Variants in MED25 observed in about 807,000 individuals in gnomAD.
MED25 encodes mediator of RNA polymerase II transcription subunit 25.
Under a neutral mutation model 89.4 loss-of-function variants are expected in MED25, and 62 were observed. The observed-to-expected ratio is 0.69, with a 90% confidence interval of 0.57 to 0.86. The LOEUF (loss-of-function observed/expected upper bound fraction) is 0.86, where lower values mean the gene tolerates loss of function less well. Ranked by LOEUF, MED25 falls within the 40% of genes least tolerant of loss-of-function variation. MED25 has a pLI of 0.00. For missense variants in MED25, 905 were observed against 1,005.2 expected (o/e 0.90, Z 1.35); for synonymous variants, 449 against 427.9 (o/e 1.05, Z -0.61).
In MED25 at chr19:49,835,499, C is replaced by G; in HGVS notation, c.1675-35C>G. The G allele has an allele frequency of 6.6e-7, 1 of 1,512,494 alleles. No individual in the cohort carries two copies. Among genetic ancestry groups the G allele is most frequent in the South Asian group, 1.3e-5 (1 of 78,970 alleles). 93.7% of individuals were successfully genotyped at this position (1,512,494 alleles called of 1,614,324 possible). A position where few individuals can be genotyped will look rare whatever the true frequency, so the allele number is the denominator to read the frequency against. ...GCCTCAGATTCAGGATGCCACCACCCTCAGTTACTGACCTGCCCCTCTCTC... is the reference window on the plus strand; with the variant it reads ...GCCTCAGATTCAGGATGCCACCACCGTCAGTTACTGACCTGCCCCTCTCTC... On this transcript the variant is annotated intron_variant, in intron 14 of 17. Coordinates refer to ENST00000312865, the MANE Select transcript of MED25 (RefSeq NM_030973.4). The surrounding 1 kb of genome is among the most constrained non-coding windows in gnomAD (Gnocchi z 6.2).
Position 49,819,265 on chromosome 19 carries a change from TATGA to T in MED25, c.275_278del (p.Tyr92CysfsTer121). 6.2e-7 allele frequency: 1 copy of T among 1,614,174 alleles called. No homozygotes were observed. Among genetic ancestry groups the T allele is most frequent in the Non-Finnish European group, 8.5e-7 (1 of 1,180,016 alleles). ...ATGTCACGCTCCCACCAGCAGCGCC[TATGA>T]GTTTGTCACCTGGCTCGATGGCATT... On this transcript the variant is annotated frameshift_variant, in exon 3 of 18. Transcript: ENST00000312865. LOFTEE classifies it high-confidence loss of function.
intron 4 of MED25, 146 bp from the exon 5 acceptor site, chr19:49,828,824 G>A (rs568196857): frequency 6.8e-7 from 1 of 1,473,626 alleles, no homozygotes; most frequent in Admixed American, 2.0e-5. Context: ...ACCTCTTGGA[G>A]CCTCAGTGTT....
In MED25 at chr19:49,818,422, C is replaced by T. The variant is rs761471079; in HGVS notation, c.81C>T (p.Asn27=). ...TGTTTGTGATTGAGGGTACGGCCAA[C>T]CTGGGACCCTACTTCGAGGGGCTCC... The part of the protein sequence containing the change: ...DVVFVIEGTA[N]LGPYFEGLRK... Residue 27 remains asparagine, a synonymous_variant, in exon 1 of 18, where the codon AAC becomes AAT. Transcript: ENST00000312865. The T allele has an allele frequency of 8.7e-6, 14 of 1,613,936 alleles. No individual in the cohort carries two copies. Among genetic ancestry groups the T allele is most frequent in the African/African-American group, 1.3e-5 (1 of 74,928 alleles).
At position 49,836,776 on chromosome 19, in the gene MED25, T is replaced by A; in HGVS notation, c.2147-71T>A. On this transcript the variant is annotated intron_variant, in intron 17 of 17. Coordinates refer to ENST00000312865, the MANE Select transcript of MED25 (RefSeq NM_030973.4). The surrounding 1 kb of genome is among the most constrained non-coding windows in gnomAD (Gnocchi z 5.1). ...GTCCCCCAAGGGCTGCCTAGAAAAC[T>A]TAGTGCCTCTGGGCCCTCCTGGGCC... 2 of 1,199,188 alleles carry A rather than the reference T, an allele frequency of 1.7e-6. No individual in the cohort carries two copies. Among genetic ancestry groups the A allele is most frequent in the Non-Finnish European group, 2.4e-6 (2 of 817,318 alleles). The allele number at this position is 1,199,188 out of a possible 1,614,324, so 74.3% of individuals were successfully genotyped here.
At chr19:49,827,243 CCCGGG>C (rs1317018833) in intron 3 of MED25, among the ~76,000 whole-genome samples, 1 of 152,204 alleles carries the variant, frequency 6.6e-6, no homozygotes, top group Non-Finnish European at 1.5e-5. Flanking sequence ...AGAGGCCATC[CCCGGG>C]CCACAACCCA....
downstream of MED25, chr19:49,838,380 T>A (rs2074114137): frequency 2.8e-6 from 1 of 357,944 alleles, no homozygotes; most frequent in Admixed American, 3.8e-5. Flanking sequence ...CCCGCCCTTC[T>A]GCCTGGCAAC....
At position 49,834,648 on chromosome 19, in the gene MED25, G is replaced by A. The variant is rs905042091; in HGVS notation, c.1483-338G>A. 9 of 400,088 alleles carry A rather than the reference G, an allele frequency of 2.2e-5. No individual in the cohort carries two copies. The highest frequency in any genetic ancestry group is 6.1e-5 in the African/African-American group (3 of 48,842). 24.8% of individuals were successfully genotyped at this position (400,088 alleles called of 1,614,324 possible). On this transcript the variant is annotated intron_variant, in intron 13 of 17. Coordinates refer to ENST00000312865, the MANE Select transcript of MED25 (RefSeq NM_030973.4). The surrounding 1 kb of genome is among the most constrained non-coding windows in gnomAD (Gnocchi z 4.1). ...GTGCATCTAGGCCGCTCTCCCGGCC[G>A]TGACCCTCAGCCGCCCTCTGAGGAG...
downstream of MED25, among the ~76,000 whole-genome samples, chr19:49,837,274 G>T (rs753627599): frequency 6.6e-6 from 1 of 152,278 alleles, no homozygotes; most frequent in East Asian, 1.9e-4. Context: ...AGAATCAGCC[G>T]TCAGGCTGGG....
In MED25 at chr19:49,835,961, G is replaced by A; in HGVS notation, c.1965+16G>A. ...CCCACCACCGGTGAGATGTTGGGGT[G>A]GGGTAGCGAGAGTTCCAGATCCTGG... On this transcript the variant is annotated intron_variant, in intron 16 of 17. Coordinates refer to ENST00000312865, the MANE Select transcript of MED25 (RefSeq NM_030973.4). The surrounding 1 kb of genome is among the most constrained non-coding windows in gnomAD (Gnocchi z 6.2). 2 of 1,612,532 alleles carry A rather than the reference G, an allele frequency of 1.2e-6. No homozygotes were observed. The highest frequency in any genetic ancestry group is 1.1e-5 in the South Asian group (1 of 91,020).
At position 49,829,697 on chromosome 19, in the gene MED25, A is replaced by G. The variant is rs1372803609; in HGVS notation, c.526-89A>G. 6.5e-6 allele frequency: 9 copies of G among 1,389,740 alleles called. No individual in the cohort carries two copies. The highest frequency in any genetic ancestry group is 8.9e-6 in the Non-Finnish European group (9 of 1,008,664). 86.1% of individuals were successfully genotyped at this position (1,389,740 alleles called of 1,614,324 possible). A position where few individuals can be genotyped will look rare whatever the true frequency, so the allele number is the denominator to read the frequency against. ...TGTGGTTGTAGGGCTGGTGCCGTCC[A>G]GCCACACAGCAGTTGTGGTAGGTTG... On this transcript the variant is annotated intron_variant, in intron 5 of 17. Transcript: ENST00000312865. The surrounding 1 kb of genome is among the most constrained non-coding windows in gnomAD (Gnocchi z 4.6).
Position 49,828,565 on chromosome 19 carries a change from C to T in MED25, c.404+18C>T. 6.3e-7 allele frequency: 1 copy of T among 1,591,322 alleles called. No individual in the cohort carries two copies. Among genetic ancestry groups the T allele is most frequent in the Non-Finnish European group, 8.6e-7 (1 of 1,159,358 alleles). On this transcript the variant is annotated intron_variant, in intron 4 of 17. Coordinates refer to ENST00000312865, the MANE Select transcript of MED25 (RefSeq NM_030973.4). ...GAGCAGATGTGAGTGCCCCCTCCAC[C>T]CAGGCCGGGCCGGTCTCTCTCTGCC...
At position 49,830,274 on chromosome 19, in the gene MED25, C is replaced by A; in HGVS notation, c.819+56C>A. ...CTGGGGACTTGCTGGAGCCCTGGCCCCTGGGGAGAAATCTAGTTGCATGTT... is the reference window on the plus strand; with the variant it reads ...CTGGGGACTTGCTGGAGCCCTGGCCACTGGGGAGAAATCTAGTTGCATGTT... On this transcript the variant is annotated intron_variant, in intron 7 of 17. Coordinates refer to ENST00000312865, the MANE Select transcript of MED25 (RefSeq NM_030973.4). The surrounding 1 kb of genome is among the most constrained non-coding windows in gnomAD (Gnocchi z 4.6). The A allele has an allele frequency of 6.4e-7, 1 of 1,569,168 alleles. No homozygotes were observed. The highest frequency in any genetic ancestry group is 8.7e-7 in the Non-Finnish European group (1 of 1,149,284).
In MED25 at chr19:49,836,392, G is replaced by A. The variant is rs767673656; in HGVS notation, c.2132G>A (p.Arg711Gln). 15 of 1,596,408 alleles carry A rather than the reference G, an allele frequency of 9.4e-6. 1 individual carries two copies. The highest frequency in any genetic ancestry group is 9.0e-5 in the South Asian group (8 of 88,836). ...AQSWPAQLPP[R>Q]APLPGQMLLS... ...TCCTGGCCCGCACAACTTCCCCCTCGGGCTCCACTGCCAGGTAAGGGGACC... is the reference window on the plus strand; with the variant it reads ...TCCTGGCCCGCACAACTTCCCCCTCAGGCTCCACTGCCAGGTAAGGGGACC... The change falls in exon 17 of 18, where the codon CGG becomes CAG. Residue 711 changes from arginine (R) to glutamine (Q), a missense_variant. Around this residue, in one of 3 missense-constraint regions of MED25, gnomAD observed 271 missense variants for 258.1 expected, o/e 1.05. Coordinates refer to ENST00000312865, the MANE Select transcript of MED25 (RefSeq NM_030973.4). The surrounding 1 kb of genome is among the most constrained non-coding windows in gnomAD (Gnocchi z 5.1).
At position 49,830,753 on chromosome 19, in the gene MED25, G is replaced by A. The variant is rs752770466; in HGVS notation, c.967G>A (p.Ala323Thr). 12 of 1,613,534 alleles carry A rather than the reference G, an allele frequency of 7.4e-6. No homozygotes were observed. The highest frequency in any genetic ancestry group is 4.5e-5 in the East Asian group (2 of 44,856). ...CGGAGTGGGTCCCCCCTTCAGCCAG[G>A]CCCCAGCTCCCCAACTACCCCCAGG... ...APGVGPPFSQAPAPQLPPGPP... is the reference protein window; with the variant it reads ...APGVGPPFSQTPAPQLPPGPP... The change falls in exon 9 of 18, where the codon GCC becomes ACC. Residue 323 changes from alanine to threonine, a missense_variant. Physicochemically the swap from Ala to Thr is moderately conservative, Grantham distance 58. This residue lies in a region of MED25 where 501 missense variants were observed against 526.9 expected (regional missense o/e 0.95). Coordinates refer to ENST00000312865, the MANE Select transcript of MED25 (RefSeq NM_030973.4). The surrounding 1 kb of genome is among the most constrained non-coding windows in gnomAD (Gnocchi z 4.6).
rs2074083782 is a variant in MED25, at chr19:49,834,821, C to T, written c.1483-165C>T. 4 of 698,874 alleles carry T rather than the reference C, an allele frequency of 5.7e-6. No homozygotes were observed. The highest frequency in any genetic ancestry group is 7.4e-6 in the Non-Finnish European group (3 of 405,044). 43.3% of individuals were successfully genotyped at this position (698,874 alleles called of 1,614,324 possible). A position where few individuals can be genotyped will look rare whatever the true frequency, so the allele number is the denominator to read the frequency against. On this transcript the variant is annotated intron_variant, in intron 13 of 17. Transcript: ENST00000312865. The surrounding 1 kb of genome is among the most constrained non-coding windows in gnomAD (Gnocchi z 4.1). ...TAGCTTGCCCTGAGCGCCTCAGTTT[C>T]TGTCTCCAGAGCAACCCATAGCACA...
At chr19:49,825,894 T>C (rs571545667) in intron 3 of MED25, among the ~76,000 whole-genome samples, 40 of 151,990 alleles carry the variant, frequency 2.6e-4, no homozygotes, top group African/African-American at 8.0e-4. Flanking sequence ...AGCTCCCCAT[T>C]CCCCCATCCC....
Position 49,831,419 on chromosome 19 carries a change from C to T in MED25, c.1188C>T (p.Ser396=). 6.2e-7 allele frequency: 1 copy of T among 1,611,942 alleles called. No homozygotes were observed. The highest frequency in any genetic ancestry group is 1.1e-5 in the South Asian group (1 of 90,484). ...APALGGQQSV[S]NKLLAWSGVL... is the part of the protein sequence containing the mutation. ...CCCTCGGTGGGCAGCAGTCAGTCTC[C>T]AATAAGCTTCTGGCCTGGAGCGGGG... The change falls in exon 10 of 18, where the codon TCC becomes TCT. Residue 396 remains serine (S), a synonymous_variant. Transcript: ENST00000312865. The surrounding 1 kb of genome is among the most constrained non-coding windows in gnomAD (Gnocchi z 5.0).
At position 49,829,994 on chromosome 19, in the gene MED25, C is replaced by T; in HGVS notation, c.688+46C>T. 1.3e-6 allele frequency: 2 copies of T among 1,599,810 alleles called. No homozygotes were observed. The highest frequency in any genetic ancestry group is 1.7e-6 in the Non-Finnish European group (2 of 1,171,354). ...GCGGGGATGGGGGCTCGACGTGTTT[C>T]CCCAGCTCCCTCTGACTTGGATTTT... On this transcript the variant is annotated intron_variant, in intron 6 of 17. Transcript: ENST00000312865. This position sits in a 1 kb window ranked among gnomAD's most constrained non-coding sequence, Gnocchi z 4.6.
In MED25 at chr19:49,836,238, G is replaced by A; in HGVS notation, c.1978G>A (p.Val660Met). 2 of 1,612,280 alleles carry A rather than the reference G, an allele frequency of 1.2e-6. No homozygotes were observed. The highest frequency in any genetic ancestry group is 1.7e-6 in the Non-Finnish European group (2 of 1,179,828). ...LLNPPPPQTG[V>M]PPPQASLHHL... The stretch of plus-strand genomic sequence containing the variant: ...TGTGTTCTCCCAGCCGCAGACTGGG[G>A]TGCCCCCACCCCAGGCCTCCCTCCA... The change falls in exon 17 of 18, where the codon GTG (valine) becomes ATG (methionine). Residue 660 changes from valine to methionine, a missense_variant. Physicochemically the swap from Val to Met is conservative, Grantham distance 21 (BLOSUM62 1). This residue lies in a region of MED25 where 271 missense variants were observed against 258.1 expected (regional missense o/e 1.05). Coordinates refer to ENST00000312865, the MANE Select transcript of MED25 (RefSeq NM_030973.4). This position sits in a 1 kb window ranked among gnomAD's most constrained non-coding sequence, Gnocchi z 5.1.
Sources: gnomAD v4.1 joint callset for allele counts (sites outside exome capture counted in the v4.1 genomes callset) on GRCh38, gnomAD v4.1.1 for gene constraint, gnomAD v4.1.1 regional missense constraint, Gnocchi (gnomAD v3.1) non-coding constraint, MANE v1.5 for transcripts, NCBI Gene and HGNC (gene_info 2026-07-23, HGNC 2026-07-21) for gene names.